HS6ST3: variants seen among roughly 807,000 people sequenced by gnomAD.
The protein encoded by HS6ST3 is heparan-sulfate 6-O-sulfotransferase 3.
A neutral mutation model predicts 36.7 loss-of-function variants in HS6ST3; 12 were observed. The ratio of observed to expected loss-of-function variants is 0.33; its 90% CI spans 0.21 to 0.53. HS6ST3 has a LOEUF of 0.53. HS6ST3 is among the 20% of genes least tolerant of loss of function. HS6ST3 has a pLI of 0.95. For synonymous variants in HS6ST3, 240 were observed against 257.5 expected, an observed-to-expected ratio of 0.93 and a Z score of 0.65; for missense variants, 584 against 640.9, an observed-to-expected ratio of 0.91 and a Z score of 0.96.
intron 1 of HS6ST3, among the ~76,000 whole-genome samples, chr13:96,249,046 T>A (rs1340801076): frequency 1.3e-5 from 2 of 152,148 alleles, no homozygotes; most frequent in Non-Finnish European, 2.9e-5. Flanking sequence ...AAGGTCATTG[T>A]CCTCTGGTCT....
At chr13:96,562,351 C>T (rs1225556408) in intron 1 of HS6ST3, among the ~76,000 whole-genome samples, 1 of 151,970 alleles carries the variant, frequency 6.6e-6, no homozygotes, top group Admixed American at 6.6e-5. Context: ...AAGATGGCAA[C>T]AATAGACACT....
chr13:96,772,160 T>C (rs148991816), intron 1 of HS6ST3, among the ~76,000 whole-genome samples: 11 of 152,296 alleles, frequency 7.2e-5, no homozygotes, highest in African/African-American at 2.4e-4. Flanking sequence ...AAGTGATACA[T>C]GCATAAAGAG....
chr13:96,351,335 T>TAAAAA lies in HS6ST3; in HGVS notation c.707+259770_707+259774dup, dbSNP rs1555300084. Among the ~76,000 whole-genome samples the TAAAAA allele has an allele frequency of 2.7e-5, 4 of 146,408 alleles. No homozygotes were observed. The South Asian group carries it at 6.4e-4, about 23-fold the overall frequency. Reference sequence around the variant, plus strand: ...AGGTGGCAGTCTTTTTTTTTTTTTTTAAAAAAAACAAGGTCTTGCTGGGTT... The same window carrying TAAAAA: ...AGGTGGCAGTCTTTTTTTTTTTTTTTAAAAAAAAAAAAACAAGGTCTTGCTGGGTT... On this transcript the variant is annotated intron_variant, in intron 1 of 1. Coordinates refer to ENST00000376705, the MANE Select transcript of HS6ST3 (RefSeq NM_153456.4).
chr13:96,503,706 C>A (rs911286059), intron 1 of HS6ST3, among the ~76,000 whole-genome samples: 1 of 152,136 alleles, frequency 6.6e-6, no homozygotes, highest in Non-Finnish European at 1.5e-5. Context: ...ATTCATTGAG[C>A]GGTTCTTATC....
At chr13:96,657,837 A>C (rs1327799858) in intron 1 of HS6ST3, among the ~76,000 whole-genome samples, 1 of 152,178 alleles carries the variant, frequency 6.6e-6, no homozygotes, top group Non-Finnish European at 1.5e-5. Flanking sequence ...CCACCCAGGC[A>C]ATGTGAAGAA....
chr13:96,222,861 C>G (rs2054462635), intron 1 of HS6ST3, among the ~76,000 whole-genome samples: 2 of 152,136 alleles, frequency 1.3e-5, no homozygotes, highest in South Asian at 2.1e-4. Flanking sequence ...AGTTAGGACT[C>G]TTTTGTAAGG....
intron 1 of HS6ST3, among the ~76,000 whole-genome samples, chr13:96,616,477 A>G (rs772694842): frequency 3.9e-5 from 6 of 152,148 alleles, no homozygotes; most frequent in Non-Finnish European, 8.8e-5. Context: ...CACCTTTGTA[A>G]TAATTCCTAT....
chr13:96,466,020 C>T (rs1049648644), intron 1 of HS6ST3, among the ~76,000 whole-genome samples: 21 of 152,050 alleles, frequency 1.4e-4, no homozygotes, highest in East Asian at 1.9e-4. Context: ...CGGTGGCTCA[C>T]GCCTGAAATC....
intron 1 of HS6ST3, among the ~76,000 whole-genome samples, chr13:96,103,366 A>G (rs1349532276): frequency 2.0e-5 from 3 of 152,192 alleles, no homozygotes; most frequent in Admixed American, 6.5e-5. Flanking sequence ...CTTATTTATT[A>G]TATCATTTCC....
intron 1 of HS6ST3, among the ~76,000 whole-genome samples, chr13:96,320,589 C>G (rs1166475011): frequency 1.3e-5 from 2 of 152,166 alleles, no homozygotes. Flanking sequence ...ATGACACTCA[C>G]CACAATGCTG....
At chr13:96,277,764 G>T (rs1321132067) in intron 1 of HS6ST3, among the ~76,000 whole-genome samples, 4 of 152,106 alleles carry the variant, frequency 2.6e-5, no homozygotes, top group Admixed American at 6.6e-5. Context: ...ACACAGATAT[G>T]AAAATAGTTA....
At chr13:96,482,613 T>C (rs185575351) in intron 1 of HS6ST3, among the ~76,000 whole-genome samples, 1 of 152,278 alleles carries the variant, frequency 6.6e-6, no homozygotes, top group East Asian at 1.9e-4. Flanking sequence ...AGCTGAATCT[T>C]TCTAGGCCCT....
At chr13:96,239,697 G>T (rs571600996) in intron 1 of HS6ST3, among the ~76,000 whole-genome samples, 1 of 152,140 alleles carries the variant, frequency 6.6e-6, no homozygotes. Flanking sequence ...TATATAAAAG[G>T]CAAGGCAGAC....
chr13:96,119,043 GA>G (rs2053912577), intron 1 of HS6ST3, among the ~76,000 whole-genome samples: 1 of 151,958 alleles, frequency 6.6e-6, no homozygotes, highest in African/African-American at 2.4e-5. Context: ...ATTATGAGTG[GA>G]AAAAATATAA....
chr13:96,667,619 C>CT (rs1447947216), intron 1 of HS6ST3, among the ~76,000 whole-genome samples: 2 of 152,144 alleles, frequency 1.3e-5, no homozygotes, highest in African/African-American at 4.8e-5. Flanking sequence ...CATTTATTAA[C>CT]TTATTTTTTT....
chr13:96,367,159 A>G (rs536979087), intron 1 of HS6ST3, among the ~76,000 whole-genome samples: 3 of 152,224 alleles, frequency 2.0e-5, no homozygotes, highest in Non-Finnish European at 4.4e-5. Flanking sequence ...TTTCTCTTGT[A>G]TAACGGAAGA....
intron 1 of HS6ST3, among the ~76,000 whole-genome samples, chr13:96,813,239 A>G (rs564868984): frequency 6.6e-6 from 1 of 152,348 alleles, no homozygotes; most frequent in Admixed American, 6.5e-5. Context: ...AAATGTTAAA[A>G]ACACAGAAAA....
At chr13:96,817,754 A>T (rs1429840100) in intron 1 of HS6ST3, among the ~76,000 whole-genome samples, 1 of 152,222 alleles carries the variant, frequency 6.6e-6, no homozygotes, top group East Asian at 1.9e-4. Context: ...AGATAGCAGC[A>T]GATGTCAGCA....
intron 1 of HS6ST3, among the ~76,000 whole-genome samples, chr13:96,257,056 T>A (rs954076477): frequency 6.6e-6 from 1 of 152,194 alleles, no homozygotes; most frequent in African/African-American, 2.4e-5. Context: ...AACTGCATTC[T>A]AAGGATGAGT....
Sources: allele counts gnomAD v4.1 joint callset (sites outside exome capture counted in the v4.1 genomes callset), GRCh38; gene constraint gnomAD v4.1.1; transcripts MANE v1.5; gene names NCBI Gene and HGNC (gene_info 2026-07-23, HGNC 2026-07-21).